Variants in CAPZA2 observed in about 807,000 individuals in gnomAD.
CAPZA2 encodes capping actin protein of muscle Z-line subunit alpha 2, also known as F-actin-capping protein subunit alpha-2.
A neutral mutation model predicts 44.0 loss-of-function variants in CAPZA2; 13 were observed. That is an observed-to-expected ratio of 0.30 (90% CI 0.19 to 0.47). The LOEUF (loss-of-function observed/expected upper bound fraction) is 0.47. Among genes scored for constraint, CAPZA2 ranks in the 20% least tolerant of loss-of-function variants. The pLI, the probability that CAPZA2 is intolerant of heterozygous loss-of-function variation, is 1.00. For synonymous variants in CAPZA2, 94 were observed against 108.2 expected (o/e 0.87, Z 0.81); for missense variants, 244 against 338.6 (o/e 0.72, Z 2.19).
chr7:116,900,827 G>A (rs1796984919), intron 4 of CAPZA2, among the ~76,000 whole-genome samples: 1 of 151,704 alleles, frequency 6.6e-6, no homozygotes, highest in African/African-American at 2.4e-5. Context: ...ATAAAAACAA[G>A]CGCATTAAAA....
intron 3 of CAPZA2, among the ~76,000 whole-genome samples, 163 bp from the exon 4 acceptor site, chr7:116,898,609 T>C (rs1467986236): frequency 6.6e-6 from 1 of 152,152 alleles, no homozygotes; most frequent in East Asian, 1.9e-4. Context: ...GGCATGTCAT[T>C]ATTTGTAGTT....
chr7:116,885,665 G>A (rs1304231086), intron 1 of CAPZA2, among the ~76,000 whole-genome samples: 2 of 152,058 alleles, frequency 1.3e-5, no homozygotes, highest in Non-Finnish European at 2.9e-5. Flanking sequence ...GTGGCCCACA[G>A]AACTCAGGGA....
intron 4 of CAPZA2, among the ~76,000 whole-genome samples, chr7:116,901,881 A>ATGTGTGTGTGTGTGTGTGTGTG (rs1554410805): frequency 1.4e-5 from 2 of 140,820 alleles, no homozygotes; most frequent in Admixed American, 1.4e-4. Context: ...TAACGAAGAA[A>ATGTGTGTGTGTGTGTGTGTGTG]TGTGTGTGTG....
chr7:116,884,856 G>T (rs1279566723), intron 1 of CAPZA2, among the ~76,000 whole-genome samples: 1 of 152,154 alleles, frequency 6.6e-6, no homozygotes, highest in African/African-American at 2.4e-5. Flanking sequence ...GAATGATTTT[G>T]CATTTCCACA....
At chr7:116,904,103 G>C (rs565312791) in intron 4 of CAPZA2, 74 bp from the exon 5 acceptor site, 1 of 845,700 alleles carries the variant, frequency 1.2e-6, no homozygotes, top group South Asian at 1.6e-5. Context: ...AAGCTTAAAT[G>C]AGTGTAATTA....
intron 1 of CAPZA2, among the ~76,000 whole-genome samples, chr7:116,863,418 A>G (rs1401210864): frequency 2.6e-5 from 4 of 152,174 alleles, no homozygotes; most frequent in Admixed American, 2.0e-4. Context: ...CTTTCCTGCT[A>G]GGACTTCTTC....
Position 116,867,370 on chromosome 7 carries a change from A to G in CAPZA2, c.39+4720A>G, listed in dbSNP as rs560109905. Among the ~76,000 whole-genome samples, 7 of 152,308 alleles carry G rather than the reference A, an allele frequency of 4.6e-5. No individual in the cohort carries two copies. In the East Asian group the frequency reaches 7.7e-4, roughly 17 times the overall value. ...CCCTCCTGTTTCCTGTATCTAAGCC[A>G]TGCTTTACTTTGTCATTTCTCTACT... On this transcript the variant is annotated intron_variant, in intron 1 of 9. Coordinates refer to ENST00000361183, the MANE Select transcript of CAPZA2 (RefSeq NM_006136.3).
intron 4 of CAPZA2, among the ~76,000 whole-genome samples, chr7:116,902,095 T>C (rs989991177): frequency 1.3e-5 from 2 of 152,046 alleles, no homozygotes; most frequent in Non-Finnish European, 2.9e-5. Context: ...TCAGAATATA[T>C]GAAAAATTTT....
Position 116,892,985 on chromosome 7 carries a change from G to A in CAPZA2, c.104-9G>A, listed in dbSNP as rs772112270. 12 of 1,579,118 alleles carry A rather than the reference G, an allele frequency of 7.6e-6. No homozygotes were observed. Among genetic ancestry groups the A allele is most frequent in the Middle Eastern group, 1.7e-4 (1 of 5,984 alleles). ...CAATAATAATGTAGATAACATAATT[G>A]TTTTGCAGATGTTCGGTTACTGCTT... On this transcript the variant is annotated splice_polypyrimidine_tract_variant and intron_variant, in intron 2 of 9. Coordinates refer to ENST00000361183, the MANE Select transcript of CAPZA2 (RefSeq NM_006136.3).
rs973468140 is a variant in CAPZA2 at position 116,918,704 on chromosome 7, A to G, written c.*837A>G. 2 of 152,298 alleles carry G rather than the reference A, an allele frequency of 1.3e-5. No homozygotes were observed. Among genetic ancestry groups the G allele is most frequent in the African/African-American group, 2.4e-5 (1 of 41,436 alleles). The allele number at this position is 152,298 out of a possible 1,614,324, so 9.4% of individuals were successfully genotyped here. A position where few individuals can be genotyped will look rare whatever the true frequency, so the allele number is the denominator to read the frequency against. ...TTGGATTGAAAAGTACTGAAATTCA[A>G]TGTGACATTAAAATGCAAATTTTCC... On this transcript the variant is annotated 3_prime_UTR_variant, in exon 10 of 10. Transcript: ENST00000361183.
intron 3 of CAPZA2, among the ~76,000 whole-genome samples, chr7:116,898,267 T>G (rs1411509747): frequency 2.3e-5 from 3 of 132,438 alleles, no homozygotes; most frequent in African/African-American, 7.7e-5. Flanking sequence ...AATGTAATCT[T>G]TTTTTTTTTT....
chr7:116,872,969 A>G (rs924013749), intron 1 of CAPZA2, among the ~76,000 whole-genome samples: 1 of 152,154 alleles, frequency 6.6e-6, no homozygotes, highest in Non-Finnish European at 1.5e-5. Context: ...TTCTCTGGAG[A>G]TAGATTCACT....
intron 4 of CAPZA2, 32 bp from the exon 5 acceptor site, chr7:116,904,145 A>AT (rs753690773): frequency 4.3e-5 from 60 of 1,381,334 alleles, no homozygotes; most frequent in Non-Finnish European, 5.5e-5. Context: ...CTGTTTTTTT[A>AT]TTTTTTTTCT....
intron 1 of CAPZA2, among the ~76,000 whole-genome samples, 196 bp downstream of exon 1, chr7:116,862,846 C>G (rs983973444): frequency 9.2e-5 from 14 of 152,092 alleles, no homozygotes; most frequent in African/African-American, 3.4e-4. Context: ...GGGCAGGTCT[C>G]TGCCAGGCCT....
In CAPZA2 at chr7:116,862,588, C is replaced by T. The variant is rs559068359; in HGVS notation, c.-24C>T. 1.1e-5 allele frequency: 17 copies of T among 1,535,994 alleles called. No individual in the cohort carries two copies. Among genetic ancestry groups the T allele is most frequent in the Admixed American group, 4.0e-5 (2 of 50,162 alleles). ...CAGGTGGCCGCTGCCGCCGCCGCCG[C>T]CGCGGTTTGTCGCCAGAAGGAAGAT... On this transcript the variant is annotated 5_prime_UTR_variant, in exon 1 of 10. Coordinates refer to ENST00000361183, the MANE Select transcript of CAPZA2 (RefSeq NM_006136.3).
intron 1 of CAPZA2, among the ~76,000 whole-genome samples, chr7:116,879,711 A>G (rs776225943): frequency 2.0e-5 from 3 of 152,186 alleles, no homozygotes; most frequent in African/African-American, 7.2e-5. Context: ...CCGGGTTCCT[A>G]ACAGGCCCCA....
Position 116,892,819 on chromosome 7 carries a change from C to CT in CAPZA2, c.104-161dup, listed in dbSNP as rs59213951. ...CCCCTTCATATTTACTAACCAAAAC[C>CT]TTTTTTTTTTTTTTAATACTATGTT... On this transcript the variant is annotated intron_variant, in intron 2 of 9. Transcript: ENST00000361183. 2.4e-3 allele frequency among the ~76,000 whole-genome samples: 342 copies of CT among 139,776 alleles called. 2 individuals are homozygous for CT. Among genetic ancestry groups the CT allele is most frequent in the East Asian group, 7.6e-3 (37 of 4,864 alleles). 91.7% of individuals were successfully genotyped at this position (139,776 alleles called of 152,430 possible).
intron 1 of CAPZA2, among the ~76,000 whole-genome samples, chr7:116,877,375 A>G (rs527674139): frequency 2.0e-5 from 3 of 152,354 alleles, no homozygotes; most frequent in African/African-American, 4.8e-5. Context: ...CAGTAGATAA[A>G]AAGATGGCCA....
At chr7:116,880,063 C>G (rs1205168625) in intron 1 of CAPZA2, 1 of 463,874 alleles carries the variant, frequency 2.2e-6, no homozygotes, top group Non-Finnish European at 4.4e-6. Context: ...TTTTTTCTTC[C>G]CAGACTAAGT....
Sources: gnomAD v4.1 joint callset for allele counts (sites outside exome capture counted in the v4.1 genomes callset) on GRCh38, gnomAD v4.1.1 for gene constraint, MANE v1.5 for transcripts, NCBI Gene and HGNC (gene_info 2026-07-23, HGNC 2026-07-21) for gene names.